Variants in CATSPER1 observed in about 807,000 individuals in gnomAD.
CATSPER1 encodes the protein cation channel sperm associated 1.
In CATSPER1, 57 loss-of-function variants were observed where a neutral mutation model predicts 72.7. The observed-to-expected ratio is 0.78, with a 90% CI of 0.63 to 0.98. The LOEUF (loss-of-function observed/expected upper bound fraction) is 0.98, where lower values mean the gene tolerates loss of function less well. CATSPER1 is among the 50% of genes least tolerant of loss of function. CATSPER1 has a pLI of 0.00. For missense variants in CATSPER1, 910 were observed against 1,033.9 expected (o/e 0.88, Z 1.64); for synonymous variants, 363 against 403.0 (o/e 0.90, Z 1.19).
Position 66,025,858 on chromosome 11 carries a change from G to A in CATSPER1, c.522C>T (p.His174=), listed in dbSNP as rs780329044. The change falls in exon 1 of 12, where the codon CAC becomes CAT. Residue 174 remains histidine, a synonymous_variant. Coordinates refer to ENST00000312106, the MANE Select transcript of CATSPER1 (RefSeq NM_053054.4). ...CATGGGGGAGGTAGGACCCACCATGGTGGGAAGCCTCACCGTGGTGGGGCA... is the reference window on the plus strand; with the variant it reads ...CATGGGGGAGGTAGGACCCACCATGATGGGAAGCCTCACCGTGGTGGGGCA... ...SGVPHHGEAS[H]HGGSYLPHGP... The A allele has an allele frequency of 6.2e-7, 1 of 1,613,612 alleles. No homozygotes were observed. Among genetic ancestry groups the A allele is most frequent in the Non-Finnish European group, 8.5e-7 (1 of 1,179,858 alleles).
Position 66,022,017 on chromosome 11 carries a change from C to G in CATSPER1, c.1430-138G>C. On this transcript the variant is annotated intron_variant, in intron 2 of 11. Transcript: ENST00000312106. ...AAGCAGCTGCGCGACTTCACTACTG[C>G]TGTGTCTCAGTTTTCTTGTCTTTAA... The G allele has an allele frequency of 4.2e-6, 3 of 721,616 alleles. No individual in the cohort carries two copies. In the South Asian group the frequency reaches 4.4e-5, roughly 11 times the overall value. The allele number at this position is 721,616 out of a possible 1,614,324, so 44.7% of individuals were successfully genotyped here. A position where few individuals can be genotyped will look rare whatever the true frequency, so the allele number is the denominator to read the frequency against.
chr11:66,024,271 G>GTTTTTTTTTTTTTTTTT, intron 1 of CATSPER1, among the ~76,000 whole-genome samples: 1 of 110,604 alleles, frequency 9.0e-6, no homozygotes, highest in Non-Finnish European at 1.8e-5. Flanking sequence ...CAGCCTATTT[G>GTTTTTTTTTTTTTTTTT]TTTTTTTTTT....
In CATSPER1 at chr11:66,020,490, G is replaced by A; in HGVS notation, c.1991+74C>T. On this transcript the variant is annotated intron_variant, in intron 7 of 11. Coordinates refer to ENST00000312106, the MANE Select transcript of CATSPER1 (RefSeq NM_053054.4). The surrounding 1 kb of genome is among the most constrained non-coding windows in gnomAD (Gnocchi z 4.5). ...AGCGTGGCATGACCAGGGTGAGAGG[G>A]CTGGGGTAAGGGTCCCAGGGGAGAG... 1.3e-6 allele frequency: 2 copies of A among 1,598,440 alleles called. No homozygotes were observed. The highest frequency in any genetic ancestry group is 1.7e-6 in the Non-Finnish European group (2 of 1,166,076).
Position 66,017,182 on chromosome 11 carries a change from T to TGGGGGG in CATSPER1, c.2202-9_2202-8insCCCCCC. ...AACAGGAGCTCCTGCTGCCTGCGGG[T>TGGGGGG]GGGCGGGGGGGTCGCAGAGACAGGG... On this transcript the variant is annotated splice_polypyrimidine_tract_variant and intron_variant, in intron 10 of 11. Coordinates refer to ENST00000312106, the MANE Select transcript of CATSPER1 (RefSeq NM_053054.4). 5.8e-6 allele frequency: 1 copy of TGGGGGG among 173,656 alleles called. No homozygotes were observed. Among genetic ancestry groups the TGGGGGG allele is most frequent in the Non-Finnish European group, 1.1e-5 (1 of 92,700 alleles). 10.8% of individuals were successfully genotyped at this position (173,656 alleles called of 1,614,324 possible).
rs759495804 is a variant in CATSPER1 at position 66,016,887 on chromosome 11, G to C, written c.*3C>G. The C allele has an allele frequency of 1.2e-6, 2 of 1,613,920 alleles. No homozygotes were observed. Among genetic ancestry groups the C allele is most frequent in the South Asian group, 2.2e-5 (2 of 91,054 alleles). On this transcript the variant is annotated 3_prime_UTR_variant, in exon 12 of 12. Coordinates refer to ENST00000312106, the MANE Select transcript of CATSPER1 (RefSeq NM_053054.4). ...GAAGTCTGTATCTGGTGTCCTCCTG[G>C]GGTCAATTCCTGAAGTCCTCTTCTC...
rs1590682577 is a variant in CATSPER1, at chr11:66,021,063, C to T, written c.1783+31G>A. 3.1e-6 allele frequency: 5 copies of T among 1,603,482 alleles called. No individual in the cohort carries two copies. In the South Asian group the frequency reaches 3.3e-5, roughly 11 times the overall value. ...CCCCTTTCACCGCAGCCCCTCAGGCCCCCACCCCAGCCCCTGCAGCACCAG... is the reference window on the plus strand; with the variant it reads ...CCCCTTTCACCGCAGCCCCTCAGGCTCCCACCCCAGCCCCTGCAGCACCAG... On this transcript the variant is annotated intron_variant, in intron 5 of 11. Coordinates refer to ENST00000312106, the MANE Select transcript of CATSPER1 (RefSeq NM_053054.4).
At position 66,017,210 on chromosome 11, in the gene CATSPER1, T is replaced by C. The variant is rs368765589; in HGVS notation, c.2202-36A>G. ...GCGGGGGGGTCGCAGAGACAGGGGC[T>C]GGGCTGACCTGCTGGCTGGGCCTAC... On this transcript the variant is annotated intron_variant, in intron 10 of 11. Coordinates refer to ENST00000312106, the MANE Select transcript of CATSPER1 (RefSeq NM_053054.4). 506 of 1,480,520 alleles carry C rather than the reference T, an allele frequency of 3.4e-4. 6 individuals carry two copies. In the South Asian group the frequency reaches 5.9e-3, roughly 17 times the overall value. 91.7% of individuals were successfully genotyped at this position (1,480,520 alleles called of 1,614,324 possible). A position where few individuals can be genotyped will look rare whatever the true frequency, so the allele number is the denominator to read the frequency against.
At position 66,021,880 on chromosome 11, in the gene CATSPER1, C is replaced by A; in HGVS notation, c.1430-1G>T. ...GAGTCCAAGGCCATGAAGTACCACT[C>A]TGCAGGAACACAGGGGTGCACTCAG... is the stretch of plus-strand genomic sequence containing the variant. On this transcript the variant is annotated splice_acceptor_variant, in intron 2 of 11. Coordinates refer to ENST00000312106, the MANE Select transcript of CATSPER1 (RefSeq NM_053054.4). LOFTEE classifies it high-confidence loss of function. The A allele has an allele frequency of 6.2e-7, 1 of 1,610,602 alleles. No homozygotes were observed. Among genetic ancestry groups the A allele is most frequent in the South Asian group, 1.1e-5 (1 of 90,984 alleles).
intron 9 of CATSPER1, among the ~76,000 whole-genome samples, chr11:66,019,705 G>A (rs1170583452): frequency 6.6e-6 from 1 of 151,804 alleles, no homozygotes; most frequent in Non-Finnish European, 1.5e-5. Context: ...AAACCAGCCT[G>A]GCCAACCTGG....
chr11:66,021,062 C>A (rs537436804), intron 5 of CATSPER1, 32 bp downstream of exon 5: 1 of 1,601,304 alleles, frequency 6.2e-7, no homozygotes, highest in African/African-American at 1.3e-5. Context: ...GCCCCTCAGG[C>A]CCCCACCCCA....
Position 66,025,619 on chromosome 11 carries a change from C to T in CATSPER1, c.761G>A (p.Gly254Glu), listed in dbSNP as rs199940038. ...GTCAGATATCCCACGCTGGTAGGAC[C>T]CCACAGAGGAATGAGGGGAAATGGT... ...GETISPHSSV[G>E]SYQRGISDYH... Residue 254 changes from glycine to glutamate, a missense_variant, in exon 1 of 12, where the codon GGG becomes GAG. Transcript: ENST00000312106. The T allele has an allele frequency of 6.2e-7, 1 of 1,612,406 alleles. No individual in the cohort carries two copies. The highest frequency in any genetic ancestry group is 1.3e-5 in the African/African-American group (1 of 74,774).
rs745919577 is a variant in CATSPER1, at chr11:66,025,688, T to C, written c.692A>G (p.His231Arg). 1 of 1,613,956 alleles carries C rather than the reference T, an allele frequency of 6.2e-7. No individual in the cohort carries two copies. Among genetic ancestry groups the C allele is most frequent in the Non-Finnish European group, 8.5e-7 (1 of 1,179,964 alleles). ...CTTTCCATGCTGGTGGGCTTCATGA[T>C]GACGGGACCTGCCATGGTGGTGGAC... ...HQVHHHGRSRHHEAHQHGKSP... is the reference protein window; with the variant it reads ...HQVHHHGRSRRHEAHQHGKSP... The change falls in exon 1 of 12, where the codon CAT becomes CGT. Residue 231 changes from histidine to arginine, a missense_variant. Transcript: ENST00000312106.
At chr11:66,018,804 T>C (rs1856292300) in intron 10 of CATSPER1, 23 bp downstream of exon 10, 2 of 1,611,700 alleles carry the variant, frequency 1.2e-6, no homozygotes, top group South Asian at 2.2e-5. Context: ...ACCCCAGGCC[T>C]CGCTCCCTTC....
At chr11:66,019,033 C>T in intron 9 of CATSPER1, 131 bp from the exon 10 acceptor site, 3 of 748,040 alleles carry the variant, frequency 4.0e-6, no homozygotes, top group Non-Finnish European at 7.2e-6. Context: ...CTTCTCCGGG[C>T]ATGCAGCACG....
chr11:66,025,779 C>G lies in CATSPER1; in HGVS notation c.601G>C (p.Gly201Arg), dbSNP rs750588043. 1 of 1,613,390 alleles carries G rather than the reference C, an allele frequency of 6.2e-7. No homozygotes were observed. The highest frequency in any genetic ancestry group is 1.1e-5 in the South Asian group (1 of 91,020). The part of the protein sequence containing the change: ...FHHSEASHLS[G>R]LQHDESQHHQ... Reference sequence around the variant, plus strand: ...TGCTGGGACTCATCGTGTTGGAGCCCGCTAAGGTGGGAAGCCTCGCTGTGG... The same window carrying G: ...TGCTGGGACTCATCGTGTTGGAGCCGGCTAAGGTGGGAAGCCTCGCTGTGG... The change falls in exon 1 of 12, where the codon GGG becomes CGG. Residue 201 changes from glycine (G) to arginine (R), a missense_variant. Gly to Arg is a moderately radical substitution (Grantham distance 125). Coordinates refer to ENST00000312106, the MANE Select transcript of CATSPER1 (RefSeq NM_053054.4).
chr11:66,021,976 C>T, intron 2 of CATSPER1, 97 bp from the exon 3 acceptor site: 1 of 926,450 alleles, frequency 1.1e-6, no homozygotes. Flanking sequence ...TTCCCAGGCT[C>T]TCCCCGGCTC....
At chr11:66,017,671 C>G (rs1489076175) in intron 10 of CATSPER1, among the ~76,000 whole-genome samples, 2 of 152,118 alleles carry the variant, frequency 1.3e-5, no homozygotes, top group Non-Finnish European at 2.9e-5. Context: ...CCCATTCACA[C>G]CCTCCCCGCC....
Position 66,025,147 on chromosome 11 carries a change from G to T in CATSPER1, c.1216+17C>A, listed in dbSNP as rs1856468472. On this transcript the variant is annotated intron_variant, in intron 1 of 11. Coordinates refer to ENST00000312106, the MANE Select transcript of CATSPER1 (RefSeq NM_053054.4). ...CAGGCAGCAGGAGTTGGCATGGGGG[G>T]CCCAGCAAAGACTCACTTTTGCGTT... The T allele has an allele frequency of 1.2e-6, 2 of 1,613,880 alleles. No individual in the cohort carries two copies. The highest frequency in any genetic ancestry group is 1.7e-6 in the Non-Finnish European group (2 of 1,180,008).
At chr11:66,025,015 G>A in intron 1 of CATSPER1, 149 bp downstream of exon 1, 1 of 909,336 alleles carries the variant, frequency 1.1e-6, no homozygotes, top group Non-Finnish European at 1.8e-6. Context: ...ATGGGACCAT[G>A]AACAGTCAGG....
Sources: gnomAD v4.1 joint callset for allele counts (sites outside exome capture counted in the v4.1 genomes callset) on GRCh38, gnomAD v4.1.1 for gene constraint, Gnocchi (gnomAD v3.1) non-coding constraint, MANE v1.5 for transcripts, NCBI Gene and HGNC (gene_info 2026-07-23, HGNC 2026-07-21) for gene names.